The following ADCY10 variants were observed in gnomAD, a reference collection of about 807,000 sequenced individuals.
The protein encoded by ADCY10 is adenylate cyclase type 10.
ADCY10 carries 156 observed loss-of-function variants against 183.3 expected under a neutral mutation model. The ratio of observed to expected loss-of-function variants is 0.85; its 90% CI spans 0.75 to 0.97. The LOEUF (loss-of-function observed/expected upper bound fraction) is 0.97, where lower values mean the gene tolerates loss of function less well. Among genes scored for constraint, ADCY10 ranks in the 50% least tolerant of loss-of-function variants. The pLI is 0.00. For synonymous variants in ADCY10, 645 were observed against 670.0 expected (o/e 0.96, Z 0.58); for missense variants, 1,745 against 1,934.3 (o/e 0.90, Z 1.84).
chr1:167,809,893 A>T (rs1251234783), intron 32 of ADCY10, 54 bp from the exon 33 acceptor site: 64 of 1,579,418 alleles, frequency 4.1e-5, no homozygotes, highest in Non-Finnish European at 5.2e-5. Flanking sequence ...GACTTTTGTA[A>T]TCAAGGTTAG....
chr1:167,906,515 C>T (rs2102459061), intron 1 of ADCY10, among the ~76,000 whole-genome samples: 1 of 151,432 alleles, frequency 6.6e-6, no homozygotes, highest in Non-Finnish European at 1.5e-5. Context: ...ATGCTAGATG[C>T]AGTGGTTTGT....
At position 167,834,063 on chromosome 1, in the gene ADCY10, CA is replaced by C. The variant is rs1326681060; in HGVS notation, c.3323del (p.Leu1108Ter). On this transcript the variant is annotated frameshift_variant, in exon 24 of 33. Coordinates refer to ENST00000367851, the MANE Select transcript of ADCY10 (RefSeq NM_018417.6). LOFTEE classifies it high-confidence loss of function. ...FCDNYMAYMY[L>X]NEGQKLLKTL... The stretch of plus-strand genomic sequence containing the variant: ...TTTTTAGCAACTTCTGTCCTTCATT[CA>C]AATACATGTATGCCTGTAACCAGCC... The C allele has an allele frequency of 6.2e-7, 1 of 1,613,798 alleles. No homozygotes were observed. The highest frequency in any genetic ancestry group is 1.7e-5 in the Admixed American group (1 of 60,016).
intron 26 of ADCY10, among the ~76,000 whole-genome samples, chr1:167,827,707 T>A (rs909103993): frequency 2.0e-5 from 3 of 149,456 alleles, no homozygotes; most frequent in East Asian, 2.0e-4. Flanking sequence ...ATTTTAAATT[T>A]AAAAAAAAAA....
intron 1 of ADCY10, among the ~76,000 whole-genome samples, chr1:167,912,405 G>A (rs147952976): frequency 0.015 from 2,316 of 152,230 alleles, 55 homozygotes; most frequent in African/African-American, 0.051. Context: ...CTGGCAACAT[G>A]GCCACCTCCA....
rs541214409 is a variant in ADCY10 at position 167,836,426 on chromosome 1, T to C, written c.3192A>G (p.Leu1064=). The change falls in exon 23 of 33, where the codon CTA becomes CTG. Residue 1064 remains leucine (L), a synonymous_variant. Transcript: ENST00000367851. ...GGGCCAGAGGCAAGATGACAATCTC[T>C]AGGATTTCTTCACACTGGCAAGATT... ...PLESCQCEEI[L]EIVILPLAHH... The C allele has an allele frequency of 1.2e-6, 2 of 1,614,038 alleles. No homozygotes were observed. The highest frequency in any genetic ancestry group is 4.5e-5 in the East Asian group (2 of 44,876).
At chr1:167,885,389 A>G (rs772338673) in intron 8 of ADCY10, among the ~76,000 whole-genome samples, 1 of 152,132 alleles carries the variant, frequency 6.6e-6, no homozygotes, top group Non-Finnish European at 1.5e-5. Context: ...TGGCTGTGCT[A>G]ATTTACTTTC....
intron 8 of ADCY10, among the ~76,000 whole-genome samples, chr1:167,884,229 G>A (rs1571398692): frequency 6.6e-6 from 1 of 152,182 alleles, no homozygotes; most frequent in South Asian, 2.1e-4. Flanking sequence ...TTGACTCACA[G>A]TTCCATGGGC....
intron 11 of ADCY10, 50 bp downstream of exon 11, chr1:167,880,065 A>G (rs1449923835): frequency 6.6e-7 from 1 of 1,509,230 alleles, no homozygotes; most frequent in Non-Finnish European, 9.1e-7. Flanking sequence ...CCCAGTGGCA[A>G]GGTGCTGTGT....
chr1:167,841,468 C>T (rs2051657), intron 21 of ADCY10, among the ~76,000 whole-genome samples: 147,054 of 147,054 alleles, frequency 1, 73,527 homozygotes, highest in Non-Finnish European at 1. Context: ...TCTGTTTTTC[C>T]CCATGGGATT....
intron 1 of ADCY10, among the ~76,000 whole-genome samples, chr1:167,907,435 G>A (rs1480848906): frequency 3.3e-5 from 5 of 152,116 alleles, no homozygotes; most frequent in Non-Finnish European, 5.9e-5. Flanking sequence ...CTTCACTTTG[G>A]GACCCAAACT....
intron 6 of ADCY10, among the ~76,000 whole-genome samples, chr1:167,899,081 T>C (rs1669208111): frequency 6.6e-6 from 1 of 152,168 alleles, no homozygotes; most frequent in South Asian, 2.1e-4. Context: ...TGAGGGTCAA[T>C]GACAGCCTTT....
At chr1:167,885,090 T>C (rs1228716634) in intron 8 of ADCY10, among the ~76,000 whole-genome samples, 2 of 151,656 alleles carry the variant, frequency 1.3e-5, no homozygotes, top group African/African-American at 4.9e-5. Context: ...TGACCTCCAC[T>C]TCCATCCACG....
At chr1:167,871,222 T>C (rs1229609471) in intron 13 of ADCY10, among the ~76,000 whole-genome samples, 1 of 152,168 alleles carries the variant, frequency 6.6e-6, no homozygotes. Context: ...TAAAGGAAAT[T>C]TGCCCTCTGT....
intron 23 of ADCY10, among the ~76,000 whole-genome samples, chr1:167,834,283 C>A (rs1487580631): frequency 6.6e-6 from 1 of 152,218 alleles, no homozygotes; most frequent in Non-Finnish European, 1.5e-5. Context: ...TTCATGCTTA[C>A]CTTTGTCTGC....
intron 30 of ADCY10, among the ~76,000 whole-genome samples, chr1:167,818,829 T>TCTTC (rs1662693139): frequency 6.6e-6 from 1 of 152,136 alleles, no homozygotes; most frequent in Non-Finnish European, 1.5e-5. Flanking sequence ...TGTGCCACCA[T>TCTTC]GCCCGGCCAC....
At chr1:167,844,924 GCT>G (rs1432931459) in intron 21 of ADCY10, among the ~76,000 whole-genome samples, 1 of 152,150 alleles carries the variant, frequency 6.6e-6, no homozygotes, top group African/African-American at 2.4e-5. Context: ...TGGTGGTGTT[GCT>G]CTGTGTCTGA....
chr1:167,810,780 C>G lies in ADCY10; in HGVS notation c.4616G>C (p.Arg1539Pro). The change falls in exon 32 of 33, where the codon CGG (arginine) becomes CCG (proline). Residue 1539 changes from arginine (R) to proline (P), a missense_variant. Arg to Pro is a moderately radical substitution (Grantham distance 103, BLOSUM62 -2). Coordinates refer to ENST00000367851, the MANE Select transcript of ADCY10 (RefSeq NM_018417.6). ...TATATTCCCCTGTGTTTCAGAGAGCCGCAAGGCTGTGTTCAGGAAGAGGCC... is the reference window on the plus strand; with the variant it reads ...TATATTCCCCTGTGTTTCAGAGAGCGGCAAGGCTGTGTTCAGGAAGAGGCC... ...KCGLFLNTAL[R>P]LSETQGNILE... is the part of the protein sequence containing the mutation. 1 of 1,614,134 alleles carries G rather than the reference C, an allele frequency of 6.2e-7. No individual in the cohort carries two copies. Among genetic ancestry groups the G allele is most frequent in the Non-Finnish European group, 8.5e-7 (1 of 1,180,026 alleles).
At chr1:167,880,061 G>A (rs1667758790) in intron 11 of ADCY10, 54 bp downstream of exon 11, 9 of 1,489,788 alleles carry the variant, frequency 6.0e-6, no homozygotes, top group Non-Finnish European at 6.5e-6. Context: ...AAAGCCCAGT[G>A]GCAAGGTGCT....
At chr1:167,821,256 T>G (rs1180555891) in intron 30 of ADCY10, 4 of 152,606 alleles carry the variant, frequency 2.6e-5, no homozygotes, top group Non-Finnish European at 5.9e-5. Flanking sequence ...GAATTGAGCC[T>G]TAGGCTTAAT....
Sources: allele counts gnomAD v4.1 joint callset (sites outside exome capture counted in the v4.1 genomes callset), GRCh38; gene constraint gnomAD v4.1.1; transcripts MANE v1.5; gene names NCBI Gene and HGNC (gene_info 2026-07-23, HGNC 2026-07-21).